Variants in AKNAD1 observed in about 807,000 individuals in gnomAD.
AKNAD1 encodes AKNA domain containing 1.
A neutral mutation model predicts 90.8 loss-of-function variants in AKNAD1; 67 were observed. The observed-to-expected ratio is 0.74, with a 90% confidence interval of 0.61 to 0.90. AKNAD1 has a LOEUF of 0.90. Ranked by LOEUF, AKNAD1 falls within the 40% of genes least tolerant of loss-of-function variation. The pLI is 0.00. For missense variants in AKNAD1, 957 were observed against 975.4 expected, an observed-to-expected ratio of 0.98 and a Z score of 0.25; for synonymous variants, 327 against 341.4, an observed-to-expected ratio of 0.96 and a Z score of 0.46.
chr1:108,817,764 C>A (rs917997717), intron 14 of AKNAD1, among the ~76,000 whole-genome samples: 4 of 151,306 alleles, frequency 2.6e-5, no homozygotes, highest in African/African-American at 7.3e-5. Flanking sequence ...CTCGGCCTCC[C>A]AAAGTGCTGG....
At chr1:108,827,135 C>A in intron 11 of AKNAD1, 70 bp downstream of exon 11, 1 of 1,098,962 alleles carries the variant, frequency 9.1e-7, no homozygotes. Context: ...CAAGCTGGTG[C>A]CTACTGCGAG....
chr1:108,839,876 T>C lies in AKNAD1; in HGVS notation c.1380-2170A>G, dbSNP rs1247796610. ...TCTCTACAAAAAAAATTTTTTTTAA[T>C]TAGCTGGGAGTGGTGGCATGCACCT... On this transcript the variant is annotated intron_variant, in intron 6 of 15. Coordinates refer to ENST00000370001, the MANE Select transcript of AKNAD1 (RefSeq NM_152763.5). Among the ~76,000 whole-genome samples, 3 of 152,070 alleles carry C rather than the reference T, an allele frequency of 2.0e-5. 1 individual carries two copies. The highest frequency in any genetic ancestry group is 4.4e-5 in the Non-Finnish European group (3 of 68,004).
intron 5 of AKNAD1, among the ~76,000 whole-genome samples, chr1:108,845,155 T>C (rs1168663228): frequency 6.6e-6 from 1 of 152,148 alleles, no homozygotes; most frequent in African/African-American, 2.4e-5. Context: ...AAACAAGAGT[T>C]TGGAAACATA....
chr1:108,823,337 A>G, intron 13 of AKNAD1, 33 bp downstream of exon 13: 2 of 1,483,366 alleles, frequency 1.3e-6, no homozygotes, highest in Non-Finnish European at 9.4e-7. Context: ...TAGGTTGTTG[A>G]TATGGATGGG....
Position 108,853,136 on chromosome 1 carries a change from C to CTTTTTTTTTTTTTTT in AKNAD1, c.-103-370_-103-369insAAAAAAAAAAAAAAA, listed in dbSNP as rs889504364. 3.9e-4 allele frequency among the ~76,000 whole-genome samples: 52 copies of CTTTTTTTTTTTTTTT among 133,538 alleles called. 2 individuals carry two copies. Among genetic ancestry groups the CTTTTTTTTTTTTTTT allele is most frequent in the South Asian group, 1.4e-3 (6 of 4,202 alleles). The allele number at this position is 133,538 out of a possible 152,430, so 87.6% of individuals were successfully genotyped here. A position where few individuals can be genotyped will look rare whatever the true frequency, so the allele number is the denominator to read the frequency against. ...AAAGGATTGATTTTTTTTCTTTTTT[C>CTTTTTTTTTTTTTTT]TTTTTTTTTTTTTGAGACGGAGTCT... On this transcript the variant is annotated intron_variant, in intron 1 of 15. Transcript: ENST00000370001.
chr1:108,852,891 C>T, intron 1 of AKNAD1, 124 bp from the exon 2 acceptor site: 13 of 362,866 alleles, frequency 3.6e-5, no homozygotes, highest in South Asian at 3.0e-4. Flanking sequence ...GCAGGAAGCT[C>T]AACCACAAGC....
chr1:108,826,740 TTC>T (rs1491102797), intron 11 of AKNAD1, among the ~76,000 whole-genome samples: 4,104 of 108,194 alleles, frequency 0.038, 154 homozygotes, highest in African/African-American at 0.099. Flanking sequence ...TCTTTTCTTT[TTC>T]TTTTTTTTTT....
In AKNAD1 at chr1:108,823,570, A is replaced by C. The variant is rs1253657868; in HGVS notation, c.2055T>G (p.Thr685=). The C allele has an allele frequency of 1.2e-6, 2 of 1,613,902 alleles. No individual in the cohort carries two copies. Among genetic ancestry groups the C allele is most frequent in the Admixed American group, 1.7e-5 (1 of 59,984 alleles). ...TSRRACRKEP[T]KEFHYRYNTP... ...GAGGCCCCAGGTGAGTGTTACCTTTAGTTGGTTCTTTCCTGCAGGCTCTTC... is the reference window on the plus strand; with the variant it reads ...GAGGCCCCAGGTGAGTGTTACCTTTCGTTGGTTCTTTCCTGCAGGCTCTTC... Residue 685 remains threonine (T), a synonymous_variant, in exon 12 of 16, where the codon ACT becomes ACG. Transcript: ENST00000370001.
chr1:108,857,412 G>A (rs1482224721), upstream of AKNAD1: 1 of 153,090 alleles, frequency 6.5e-6, no homozygotes, highest in African/African-American at 2.4e-5. Flanking sequence ...GAATCTGATG[G>A]ACTCAATTAA....
At chr1:108,838,534 A>G (rs750570509) in intron 6 of AKNAD1, among the ~76,000 whole-genome samples, 3 of 152,148 alleles carry the variant, frequency 2.0e-5, no homozygotes, top group South Asian at 2.1e-4. Context: ...TCAAAAATCA[A>G]TCAACTATTT....
intron 5 of AKNAD1, among the ~76,000 whole-genome samples, chr1:108,844,262 T>C (rs114152144): frequency 0.014 from 2,096 of 151,748 alleles, 41 homozygotes; most frequent in African/African-American, 0.046. Context: ...ACCTGGGAGG[T>C]TGAGGCAGGA....
At chr1:108,839,471 T>TAAAAAAAAAAAGAAAAAAAAAAA (rs1553203224) in intron 6 of AKNAD1, among the ~76,000 whole-genome samples, 1,897 of 124,790 alleles carry the variant, frequency 0.015, 55 homozygotes, top group African/African-American at 0.06. Context: ...TCCGTCTCAA[T>TAAAAAAAAAAAGAAAAAAAAAAA]AAAAAAAAAA....
intron 11 of AKNAD1, among the ~76,000 whole-genome samples, chr1:108,826,932 G>A (rs1664016856): frequency 6.6e-6 from 1 of 150,924 alleles, no homozygotes; most frequent in African/African-American, 2.4e-5. Flanking sequence ...TGTACAGATG[G>A]AATGTCACCA....
chr1:108,833,020 G>T (rs1431500126), intron 9 of AKNAD1, among the ~76,000 whole-genome samples: 1 of 152,166 alleles, frequency 6.6e-6, no homozygotes, highest in Non-Finnish European at 1.5e-5. Context: ...GTCAAATGAT[G>T]TTACCTGAAG....
chr1:108,823,687 A>G lies in AKNAD1; in HGVS notation c.1938T>C (p.Asn646=), dbSNP rs764888120. 9 of 1,614,112 alleles carry G rather than the reference A, an allele frequency of 5.6e-6. No individual in the cohort carries two copies. The East Asian group carries it at 1.1e-4, about 20-fold the overall frequency. Reference sequence around the variant, plus strand: ...AACAGAAGCTGTGTCCTGTATCAGAATCTGAAAAAGCCCAAGTTGCATGAA... The same window carrying G: ...AACAGAAGCTGTGTCCTGTATCAGAGTCTGAAAAAGCCCAAGTTGCATGAA... ...EKAPHSDSTP[N]SDTGHSFCSD... Residue 646 remains asparagine (N), a splice_region_variant and synonymous_variant, in exon 12 of 16, where the codon AAT becomes AAC. Transcript: ENST00000370001.
chr1:108,822,689 G>A (rs998196418), intron 13 of AKNAD1, among the ~76,000 whole-genome samples: 2 of 152,152 alleles, frequency 1.3e-5, no homozygotes, highest in Admixed American at 6.5e-5. Flanking sequence ...AGGATGTAGC[G>A]CCTGTCAGAG....
At chr1:108,850,351 G>A (rs533185629) in intron 2 of AKNAD1, among the ~76,000 whole-genome samples, 32 of 152,164 alleles carry the variant, frequency 2.1e-4, no homozygotes, top group African/African-American at 6.3e-4. Flanking sequence ...ACCTGACCTC[G>A]AACCCCCATA....
At chr1:108,816,683 A>G (rs1430310336) in intron 15 of AKNAD1, among the ~76,000 whole-genome samples, 1 of 152,128 alleles carries the variant, frequency 6.6e-6, no homozygotes, top group Non-Finnish European at 1.5e-5. Context: ...GTATGGAAAC[A>G]TTTGAAAGTG....
intron 1 of AKNAD1, among the ~76,000 whole-genome samples, chr1:108,854,571 T>C (rs1333683643): frequency 6.6e-6 from 1 of 152,206 alleles, no homozygotes; most frequent in Non-Finnish European, 1.5e-5. Context: ...TGTACAAAAA[T>C]CTTAATTTAT....
Sources: allele counts gnomAD v4.1 joint callset (sites outside exome capture counted in the v4.1 genomes callset), GRCh38; gene constraint gnomAD v4.1.1; transcripts MANE v1.5; gene names NCBI Gene and HGNC (gene_info 2026-07-23, HGNC 2026-07-21).